Variants in ATAD3B observed in about 807,000 individuals in gnomAD.
ATAD3B encodes the protein ATPase family AAA domain-containing protein 3B.
A neutral mutation model predicts 70.2 loss-of-function variants in ATAD3B; 59 were observed. That is an observed-to-expected ratio of 0.84 (90% CI 0.68 to 1.04). The LOEUF (loss-of-function observed/expected upper bound fraction) is 1.04, where lower values mean the gene tolerates loss of function less well. ATAD3B is among the 50% of genes least tolerant of loss of function. ATAD3B has a pLI of 0.00. For missense variants in ATAD3B, 961 were observed against 913.4 expected, an observed-to-expected ratio of 1.05 and a Z score of -0.67; for synonymous variants, 423 against 388.6, an observed-to-expected ratio of 1.09 and a Z score of -1.04.
intron 2 of ATAD3B, chr1:1,478,335 C>G (rs1639707874): frequency 8.0e-6 from 10 of 1,242,302 alleles, no homozygotes; most frequent in Non-Finnish European, 1.1e-5. Flanking sequence ...GAGCTCTGCC[C>G]TCATCACAGT....
In ATAD3B at chr1:1,487,905, G is replaced by A. The variant is rs779302285; in HGVS notation, c.1257G>A (p.Lys419=). Residue 419 remains lysine, a synonymous_variant, in exon 12 of 16, where the codon AAG becomes AAA. Transcript: ENST00000673477. Reference sequence around the variant, plus strand: ...ATGAAGCAGACGCCTTCCTTCGGAAGCGAGCCACTGTGAGTGTCACTAAGC... The same window carrying A: ...ATGAAGCAGACGCCTTCCTTCGGAAACGAGCCACTGTGAGTGTCACTAAGC... ...FMDEADAFLR[K]RATEEISKDL... The A allele has an allele frequency of 9.9e-6, 16 of 1,612,876 alleles. No individual in the cohort carries two copies. The South Asian group carries it at 1.3e-4, about 13-fold the overall frequency.
intron 1 of ATAD3B, among the ~76,000 whole-genome samples, chr1:1,472,613 T>C (rs1639388052): frequency 6.6e-6 from 1 of 152,038 alleles, no homozygotes; most frequent in Non-Finnish European, 1.5e-5. Flanking sequence ...CAGGCCGTGC[T>C]GCTCAGCTTG....
At chr1:1,480,538 T>C (rs964022502) in intron 4 of ATAD3B, among the ~76,000 whole-genome samples, 2 of 147,288 alleles carry the variant, frequency 1.4e-5, no homozygotes, top group African/African-American at 5.1e-5. Context: ...GCTTTAACGT[T>C]TAATTGGCGG....
chr1:1,483,764 G>A (rs1276162612), intron 7 of ATAD3B: 3 of 152,602 alleles, frequency 2.0e-5, no homozygotes, highest in Non-Finnish European at 2.9e-5. Flanking sequence ...TGGCACCATT[G>A]CACTCCAGCC....
chr1:1,507,487 T>G, the ATAD3B span, among the ~76,000 whole-genome samples: 6 of 152,258 alleles, frequency 3.9e-5, no homozygotes, highest in Admixed American at 1.3e-4. Flanking sequence ...GTTGAACATT[T>G]CGTATGTGGA....
Position 1,493,613 on chromosome 1 carries a change from G to A in ATAD3B, c.1615-1872G>A, listed in dbSNP as rs182689320. On this transcript the variant is annotated intron_variant, in intron 15 of 15. Coordinates refer to ENST00000673477, the MANE Select transcript of ATAD3B (RefSeq NM_031921.6). ...ATTACAGGTGTGAGCCACTGCAACCGACCAGTTGAATTTTTTTTTTTTAAT... is the reference window on the plus strand; with the variant it reads ...ATTACAGGTGTGAGCCACTGCAACCAACCAGTTGAATTTTTTTTTTTTAAT... Among the ~76,000 whole-genome samples the A allele has an allele frequency of 2.2e-3, 333 of 151,684 alleles. 6 individuals are homozygous for A. The highest frequency in any genetic ancestry group is 6.3e-3 in the African/African-American group (261 of 41,388).
At chr1:1,473,238 C>T (rs1361386601) in intron 1 of ATAD3B, among the ~76,000 whole-genome samples, 2 of 141,552 alleles carry the variant, frequency 1.4e-5, no homozygotes, top group Non-Finnish European at 3.0e-5. Flanking sequence ...CTCCCGTGTT[C>T]ACACCATTCT....
intron 7 of ATAD3B, chr1:1,483,638 G>C (rs1640043483): frequency 6.3e-6 from 1 of 158,382 alleles, no homozygotes. Context: ...CGGGCCTCGT[G>C]GCACAGGTCT....
At chr1:1,483,931 A>G (rs1640062821) in intron 7 of ATAD3B, 1 of 152,144 alleles carries the variant, frequency 6.6e-6, no homozygotes, top group Admixed American at 6.6e-5. Context: ...CTGCAGTCAC[A>G]GCAGTGGGCG....
chr1:1,480,218 A>G (rs543693283), intron 4 of ATAD3B, among the ~76,000 whole-genome samples: 1 of 17,664 alleles, frequency 5.7e-5, no homozygotes, highest in African/African-American at 2.8e-4. Context: ...CCCCGCACCC[A>G]TGGGCACACA....
At chr1:1,472,895 G>C (rs1639401590) in intron 1 of ATAD3B, among the ~76,000 whole-genome samples, 1 of 151,680 alleles carries the variant, frequency 6.6e-6, no homozygotes, top group Admixed American at 6.6e-5. Flanking sequence ...GTGCAGTGGT[G>C]CGATTTCGGC....
chr1:1,476,966 C>T (rs2100528082), intron 1 of ATAD3B, among the ~76,000 whole-genome samples: 1 of 152,088 alleles, frequency 6.6e-6, no homozygotes, highest in East Asian at 1.9e-4. Context: ...ACCACCACAC[C>T]CAGCTTTTTT....
At chr1:1,483,231 G>T in intron 7 of ATAD3B, 2 of 350,384 alleles carry the variant, frequency 5.7e-6, no homozygotes, top group Non-Finnish European at 1.1e-5. Context: ...GGTGGTGGAG[G>T]TTGCAATGAG....
At position 1,485,108 on chromosome 1, in the gene ATAD3B, G is replaced by T. The variant is rs1640133301; in HGVS notation, c.843G>T (p.Lys281Asn). 2 of 1,610,184 alleles carry T rather than the reference G, an allele frequency of 1.2e-6. No homozygotes were observed. The highest frequency in any genetic ancestry group is 4.5e-5 in the East Asian group (2 of 44,856). The part of the protein sequence containing the change: ...TGRFIEARLG[K>N]PSLVRETSRI... ...GCTTCATCGAGGCTCGGCTGGGGAA[G>T]CCGTCCCTAGTGAGGGAGACGTCCC... Residue 281 changes from lysine (K) to asparagine (N), a missense_variant, in exon 8 of 16, where the codon AAG becomes AAT. By Grantham distance (94) the Lys-to-Asn change is moderately conservative. This residue lies in a region of ATAD3B where 349 missense variants were observed against 307.5 expected (regional missense o/e 1.14). Coordinates refer to ENST00000673477, the MANE Select transcript of ATAD3B (RefSeq NM_031921.6).
chr1:1,489,048 C>T, intron 12 of ATAD3B, 156 bp from the exon 13 acceptor site: 1 of 1,354,196 alleles, frequency 7.4e-7, no homozygotes, highest in South Asian at 1.4e-5. Flanking sequence ...ATGCTTGAGC[C>T]ACCGCCCCTG....
At chr1:1,509,168 C>T in the ATAD3B span, 2 of 1,606,296 alleles carry the variant, frequency 1.2e-6, no homozygotes, top group East Asian at 2.2e-5. Flanking sequence ...GGGGGGTTCC[C>T]ATGGCGGCCT....
intron 6 of ATAD3B, 89 bp downstream of exon 6, chr1:1,482,392 C>G: frequency 6.3e-7 from 1 of 1,582,056 alleles, no homozygotes; most frequent in Non-Finnish European, 8.6e-7. Flanking sequence ...CTCTTCCAGG[C>G]CTGGCCGCCA....
At chr1:1,483,439 C>G (rs1557802973) in intron 7 of ATAD3B, 1 of 213,874 alleles carries the variant, frequency 4.7e-6, no homozygotes, top group African/African-American at 2.4e-5. Context: ...TGCACTCCAA[C>G]CTGTGGAAGA....
At chr1:1,491,763 T>TA (rs766851517) in intron 15 of ATAD3B, among the ~76,000 whole-genome samples, 10 of 151,892 alleles carry the variant, frequency 6.6e-5, no homozygotes, top group Non-Finnish European at 1.2e-4. Context: ...GGAGCTGTAT[T>TA]AGTCAGTACA....
Sources: allele counts gnomAD v4.1 joint callset (sites outside exome capture counted in the v4.1 genomes callset), GRCh38; gene constraint gnomAD v4.1.1; regional missense constraint gnomAD v4.1.1; transcripts MANE v1.5; gene names NCBI Gene and HGNC (gene_info 2026-07-23, HGNC 2026-07-21).